Variants in BRD10 observed in about 807,000 individuals in gnomAD.
BRD10 encodes the protein uncharacterized bromodomain-containing protein 10.
At chr9:5,973,044 C>G in the BRD10 span, among the ~76,000 whole-genome samples, 14 of 152,068 alleles carry the variant, frequency 9.2e-5, no homozygotes, top group Admixed American at 4.6e-4. Flanking sequence ...GAACAGTGAT[C>G]CCTAACTAAA....
chr9:5,889,168 A>G, the BRD10 span, among the ~76,000 whole-genome samples: 1 of 152,214 alleles, frequency 6.6e-6, no homozygotes, highest in Admixed American at 6.5e-5. Flanking sequence ...GCTGGCATTA[A>G]TCAACAGAAA....
At chr9:5,972,280 A>T in the BRD10 span, among the ~76,000 whole-genome samples, 1 of 152,234 alleles carries the variant, frequency 6.6e-6, no homozygotes, top group African/African-American at 2.4e-5. Context: ...GTGAAAAGAA[A>T]CTGAAAACAT....
the BRD10 span, among the ~76,000 whole-genome samples, chr9:5,934,347 A>G: frequency 1.2e-4 from 17 of 146,888 alleles, no homozygotes; most frequent in Non-Finnish European, 2.1e-4. Context: ...ATATCAATAT[A>G]TTACGCTTTT....
chr9:5,963,528 C>G, the BRD10 span, among the ~76,000 whole-genome samples: 2 of 149,698 alleles, frequency 1.3e-5, no homozygotes, highest in Non-Finnish European at 3.0e-5. Context: ...CTACCAATGA[C>G]TTTCTTCACA....
At chr9:5,999,289 T>C in the BRD10 span, among the ~76,000 whole-genome samples, 2 of 152,074 alleles carry the variant, frequency 1.3e-5, no homozygotes, top group Non-Finnish European at 2.9e-5. Context: ...TAGCATATTA[T>C]CTCAATTTGG....
chr9:5,879,442 C>G, the BRD10 span, among the ~76,000 whole-genome samples: 2 of 152,106 alleles, frequency 1.3e-5, no homozygotes, highest in Non-Finnish European at 2.9e-5. Context: ...TTGCAGCCCC[C>G]ACACAGCCGG....
the BRD10 span, chr9:5,929,104 C>A: frequency 1.2e-6 from 2 of 1,609,324 alleles, no homozygotes; most frequent in South Asian, 2.2e-5. Flanking sequence ...ATTTAAAAGA[C>A]GTATCAATGT....
the BRD10 span, among the ~76,000 whole-genome samples, chr9:5,974,615 C>T: frequency 1.3e-5 from 2 of 152,064 alleles, no homozygotes; most frequent in African/African-American, 4.8e-5. Flanking sequence ...AGCCAAGAGT[C>T]CAGAGAGACC....
At chr9:5,946,084 G>T in the BRD10 span, among the ~76,000 whole-genome samples, 1 of 151,948 alleles carries the variant, frequency 6.6e-6, no homozygotes, top group Non-Finnish European at 1.5e-5. Flanking sequence ...ATTCCTTGTG[G>T]CTACTGAGTG....
At chr9:5,885,900 G>C in the BRD10 span, among the ~76,000 whole-genome samples, 1 of 152,150 alleles carries the variant, frequency 6.6e-6, no homozygotes, top group Non-Finnish European at 1.5e-5. Flanking sequence ...AGTTCTGTTT[G>C]TTCAGCTCCT....
the BRD10 span, among the ~76,000 whole-genome samples, chr9:5,964,242 GA>G: frequency 6.9e-6 from 1 of 144,242 alleles, no homozygotes; most frequent in African/African-American, 2.5e-5. Flanking sequence ...AAAAGTGGGC[GA>G]AGGACATGAA....
chr9:5,986,401 C>A, the BRD10 span, among the ~76,000 whole-genome samples: 5 of 152,206 alleles, frequency 3.3e-5, 1 homozygote, highest in South Asian at 1.0e-3. Flanking sequence ...GATTCCATGT[C>A]TTTGCTATTG....
At chr9:5,993,173 G>C in the BRD10 span, among the ~76,000 whole-genome samples, 12 of 151,868 alleles carry the variant, frequency 7.9e-5, no homozygotes, top group African/African-American at 2.9e-4. Flanking sequence ...AAATTAGCTG[G>C]GCACGGTGGC....
the BRD10 span, among the ~76,000 whole-genome samples, chr9:5,896,945 CACGAACATA>C: frequency 6.6e-6 from 1 of 152,208 alleles, no homozygotes; most frequent in African/African-American, 2.4e-5. Context: ...GAAGGGAGGG[CACGAACATA>C]ATTGAGACGG....
chr9:5,987,101 A>G, the BRD10 span, among the ~76,000 whole-genome samples: 6 of 152,196 alleles, frequency 3.9e-5, no homozygotes, highest in Non-Finnish European at 8.8e-5. Flanking sequence ...CTCAGGATAA[A>G]TGCTGAATAC....
chr9:5,925,336 GC>G, the BRD10 span, among the ~76,000 whole-genome samples: 2 of 148,232 alleles, frequency 1.3e-5, no homozygotes, highest in Non-Finnish European at 3.0e-5. Flanking sequence ...TCCAGCCTGG[GC>G]GACAGAGCGA....
chr9:5,946,915 T>TA, the BRD10 span, among the ~76,000 whole-genome samples: 1 of 152,092 alleles, frequency 6.6e-6, no homozygotes, highest in Admixed American at 6.6e-5. Flanking sequence ...AGTCAACAGA[T>TA]ATTTATGTTC....
chr9:5,953,994 G>T, the BRD10 span: 32 of 1,461,480 alleles, frequency 2.2e-5, no homozygotes, highest in East Asian at 2.9e-4. Context: ...GAAAAATTTC[G>T]AGACAAAGTT....
chr9:5,996,211 T>C, the BRD10 span, among the ~76,000 whole-genome samples: 18 of 152,238 alleles, frequency 1.2e-4, no homozygotes, highest in African/African-American at 3.9e-4. Flanking sequence ...AGGAGAAGAA[T>C]ACAAACAAAA....
Sources: gnomAD v4.1 joint callset for allele counts (sites outside exome capture counted in the v4.1 genomes callset) on GRCh38, gnomAD v4.1.1 for gene constraint, MANE v1.5 for transcripts, NCBI Gene and HGNC (gene_info 2026-07-23, HGNC 2026-07-21) for gene names.